The following CACNG4 variants were observed in gnomAD, a reference collection of about 807,000 sequenced individuals.
CACNG4 encodes voltage-dependent calcium channel gamma-4 subunit.
In CACNG4, 8 loss-of-function variants were observed where a neutral mutation model predicts 22.9. The observed-to-expected ratio is 0.35, with a 90% CI of 0.21 to 0.63. The LOEUF (loss-of-function observed/expected upper bound fraction) is 0.63, where lower values mean the gene tolerates loss of function less well. CACNG4 is among the 30% of genes least tolerant of loss of function. CACNG4 has a pLI of 0.72. For synonymous variants in CACNG4, 188 were observed against 191.9 expected, an observed-to-expected ratio of 0.98 and a Z score of 0.17; for missense variants, 357 against 455.4, an observed-to-expected ratio of 0.78 and a Z score of 1.97.
At position 66,980,620 on chromosome 17, in the gene CACNG4, C is replaced by CTTTTTTTTTTT. The variant is rs67051865; in HGVS notation, c.220+15499_220+15509dup. ...ATTGACAATTCCCTTTGTGTAAATTCTTTTTTTTTTTTTTTTTTTTGAGAC... is the reference window on the plus strand; with the variant it reads ...ATTGACAATTCCCTTTGTGTAAATTCTTTTTTTTTTTTTTTTTTTTTTTTTTTTTTTGAGAC... On this transcript the variant is annotated intron_variant, in intron 1 of 3. Transcript: ENST00000262138. Among the ~76,000 whole-genome samples the CTTTTTTTTTTT allele has an allele frequency of 4.2e-4, 45 of 106,994 alleles. 1 individual carries two copies. Among genetic ancestry groups the CTTTTTTTTTTT allele is most frequent in the African/African-American group, 1.4e-3 (35 of 25,138 alleles). The allele number at this position is 106,994 out of a possible 152,430, so 70.2% of individuals were successfully genotyped here. A position where few individuals can be genotyped will look rare whatever the true frequency, so the allele number is the denominator to read the frequency against.
At chr17:66,977,256 C>T (rs73994702) in intron 1 of CACNG4, among the ~76,000 whole-genome samples, 2,719 of 152,324 alleles carry the variant, frequency 0.018, 91 homozygotes, top group African/African-American at 0.063. Context: ...GGTGAGAACA[C>T]ATCCCTCTGT....
At chr17:67,028,367 C>T (rs1173442568) in intron 3 of CACNG4, among the ~76,000 whole-genome samples, 1 of 152,162 alleles carries the variant, frequency 6.6e-6, no homozygotes, top group African/African-American at 2.4e-5. Context: ...TTCTGGCTAA[C>T]ACGGTGAAAC....
intron 1 of CACNG4, among the ~76,000 whole-genome samples, chr17:66,995,045 T>C (rs1377053519): frequency 6.6e-6 from 1 of 152,216 alleles, no homozygotes; most frequent in Admixed American, 6.5e-5. Flanking sequence ...CCCGGGCCAA[T>C]TTCAAATCAA....
At chr17:66,973,596 C>T (rs1315171782) in intron 1 of CACNG4, among the ~76,000 whole-genome samples, 3 of 152,218 alleles carry the variant, frequency 2.0e-5, no homozygotes, top group Non-Finnish European at 4.4e-5. Flanking sequence ...GCCACCGTAG[C>T]GTGCGGCAGC....
intron 1 of CACNG4, among the ~76,000 whole-genome samples, chr17:66,978,720 C>T (rs1250138607): frequency 6.6e-6 from 1 of 152,244 alleles, no homozygotes; most frequent in Non-Finnish European, 1.5e-5. Flanking sequence ...AGCACGCTGT[C>T]CCTGCCTCGC....
intron 1 of CACNG4, among the ~76,000 whole-genome samples, chr17:66,994,020 TAAAA>T (rs58662640): frequency 1.4e-5 from 2 of 142,388 alleles, no homozygotes; most frequent in Admixed American, 7.0e-5. Context: ...AATATACACA[TAAAA>T]AAAAAAAAAC....
chr17:66,985,579 G>A (rs2035300596), intron 1 of CACNG4, among the ~76,000 whole-genome samples: 1 of 152,202 alleles, frequency 6.6e-6, no homozygotes, highest in African/African-American at 2.4e-5. Context: ...CTTGCAGAAT[G>A]TGTAAGAGTT....
intron 1 of CACNG4, among the ~76,000 whole-genome samples, chr17:66,996,659 G>A (rs924997256): frequency 6.6e-6 from 1 of 152,178 alleles, no homozygotes; most frequent in Non-Finnish European, 1.5e-5. Flanking sequence ...GGGATTATGG[G>A]CATGAGCCAG....
At chr17:67,014,408 G>T (rs1183789975) in intron 1 of CACNG4, among the ~76,000 whole-genome samples, 2 of 152,180 alleles carry the variant, frequency 1.3e-5, no homozygotes, top group African/African-American at 4.8e-5. Flanking sequence ...CAGATTCGGG[G>T]GAGGTGAGGC....
chr17:66,980,646 T>C (rs2035266461), intron 1 of CACNG4, among the ~76,000 whole-genome samples: 1 of 145,164 alleles, frequency 6.9e-6, no homozygotes, highest in South Asian at 2.2e-4. Flanking sequence ...TTTTTGAGAC[T>C]GAGTTTCACT....
chr17:67,025,096 G>C, intron 3 of CACNG4, 96 bp downstream of exon 3: 5 of 1,200,420 alleles, frequency 4.2e-6, no homozygotes, highest in Non-Finnish European at 5.6e-6. Flanking sequence ...GTGCATCCTA[G>C]AGGGGAATGC....
At position 67,031,204 on chromosome 17, in the gene CACNG4, G is replaced by A; in HGVS notation, c.*200G>A. 1.5e-6 allele frequency: 1 copy of A among 648,836 alleles called. No homozygotes were observed. Among genetic ancestry groups the A allele is most frequent in the Non-Finnish European group, 2.7e-6 (1 of 368,162 alleles). 40.2% of individuals were successfully genotyped at this position (648,836 alleles called of 1,614,324 possible). On this transcript the variant is annotated 3_prime_UTR_variant, in exon 4 of 4. Coordinates refer to ENST00000262138, the MANE Select transcript of CACNG4 (RefSeq NM_014405.4). The surrounding 1 kb of genome is among the most constrained non-coding windows in gnomAD (Gnocchi z 4.0). ...ACCCGGGGCTGCAGAAGAAGCTGAA[G>A]GCTGACTTTGTCCCCTCCCCGAAAA...
At chr17:66,995,287 T>C (rs1233001407) in intron 1 of CACNG4, among the ~76,000 whole-genome samples, 1 of 152,206 alleles carries the variant, frequency 6.6e-6, no homozygotes, top group Non-Finnish European at 1.5e-5. Flanking sequence ...GCTATTCCTA[T>C]GTCTGGATCC....
At chr17:67,006,471 C>T (rs2035438555) in intron 1 of CACNG4, among the ~76,000 whole-genome samples, 1 of 152,210 alleles carries the variant, frequency 6.6e-6, no homozygotes, top group African/African-American at 2.4e-5. Context: ...GTCACCTCCC[C>T]AGGCAAGGTC....
chr17:67,003,863 A>T (rs1036060508), intron 1 of CACNG4, among the ~76,000 whole-genome samples: 1 of 152,170 alleles, frequency 6.6e-6, no homozygotes, highest in Non-Finnish European at 1.5e-5. Context: ...TCACCATGGA[A>T]ATGGCCCTTC....
At chr17:67,020,892 C>T (rs796846621) in intron 2 of CACNG4, among the ~76,000 whole-genome samples, 29 of 152,238 alleles carry the variant, frequency 1.9e-4, no homozygotes, top group African/African-American at 5.5e-4. Context: ...CATGAGAGTT[C>T]GTTTATTCAT....
At chr17:67,026,799 G>C (rs894616639) in intron 3 of CACNG4, among the ~76,000 whole-genome samples, 3 of 152,126 alleles carry the variant, frequency 2.0e-5, no homozygotes, top group East Asian at 1.9e-4. Flanking sequence ...GTGCACATGT[G>C]TGTGTGTTGG....
At chr17:66,994,709 G>A (rs2035363357) in intron 1 of CACNG4, among the ~76,000 whole-genome samples, 1 of 152,234 alleles carries the variant, frequency 6.6e-6, no homozygotes, top group Non-Finnish European at 1.5e-5. Context: ...GGGAACAGCA[G>A]TCCCTATCTT....
chr17:66,976,756 GAC>G lies in CACNG4; in HGVS notation c.220+11629_220+11630del, dbSNP rs745391398. Among the ~76,000 whole-genome samples the G allele has an allele frequency of 1.8e-4, 27 of 152,298 alleles. No homozygotes were observed. The East Asian group carries it at 2.3e-3, about 13-fold the overall frequency. Reference sequence around the variant, plus strand: ...GTGCTCCCACAGAGGCACCACACAGGACACAGTGACTTCAGGCTCCTTTTCTT... The same window carrying G: ...GTGCTCCCACAGAGGCACCACACAGGACAGTGACTTCAGGCTCCTTTTCTT... On this transcript the variant is annotated intron_variant, in intron 1 of 3. Transcript: ENST00000262138.
Sources: allele counts gnomAD v4.1 joint callset (sites outside exome capture counted in the v4.1 genomes callset), GRCh38; gene constraint gnomAD v4.1.1; non-coding constraint Gnocchi (gnomAD v3.1); transcripts MANE v1.5; gene names NCBI Gene and HGNC (gene_info 2026-07-23, HGNC 2026-07-21).